Variants in CLSTN2 observed in about 807,000 individuals in gnomAD.
CLSTN2 encodes calsyntenin-2.
In CLSTN2, 48 loss-of-function variants were observed where a neutral mutation model predicts 101.2. The ratio of observed to expected loss-of-function variants is 0.47; its 90% CI spans 0.38 to 0.60. The LOEUF (loss-of-function observed/expected upper bound fraction) is 0.60, where lower values mean the gene tolerates loss of function less well. Among genes scored for constraint, CLSTN2 ranks in the 20% least tolerant of loss-of-function variants. CLSTN2 has a pLI of 0.00. For missense variants in CLSTN2, 1,160 were observed against 1,238.2 expected (o/e 0.94, Z 0.95); for synonymous variants, 481 against 463.6 (o/e 1.04, Z -0.48).
chr3:140,333,144 G>T (rs575190566), intron 2 of CLSTN2, among the ~76,000 whole-genome samples: 2 of 152,234 alleles, frequency 1.3e-5, no homozygotes, highest in African/African-American at 4.8e-5. Context: ...TCCTTTCGGC[G>T]TCACTTCTCT....
chr3:139,942,710 A>G (rs563413133), intron 1 of CLSTN2, among the ~76,000 whole-genome samples: 5 of 152,150 alleles, frequency 3.3e-5, no homozygotes, highest in Non-Finnish European at 5.9e-5. Context: ...AATGCACATT[A>G]CAGGGCATAT....
chr3:140,082,692 G>C (rs2008619189), intron 1 of CLSTN2, among the ~76,000 whole-genome samples: 2 of 152,140 alleles, frequency 1.3e-5, no homozygotes, highest in Admixed American at 1.3e-4. Context: ...TTCTGGAGTT[G>C]TCTTGCCAGA....
chr3:140,247,661 T>C (rs1301839384), intron 2 of CLSTN2, among the ~76,000 whole-genome samples: 1 of 151,934 alleles, frequency 6.6e-6, no homozygotes, highest in Non-Finnish European at 1.5e-5. Context: ...CTGAAGGGGG[T>C]CACATTTGAG....
intron 1 of CLSTN2, among the ~76,000 whole-genome samples, chr3:139,976,053 C>A (rs1560059322): frequency 6.6e-6 from 1 of 152,184 alleles, no homozygotes; most frequent in Non-Finnish European, 1.5e-5. Context: ...ATCAAGCTAC[C>A]ATAACCCCCA....
chr3:140,430,446 A>T (rs577609212), intron 5 of CLSTN2, among the ~76,000 whole-genome samples: 2 of 152,322 alleles, frequency 1.3e-5, no homozygotes, highest in South Asian at 4.1e-4. Context: ...CATTAAAATT[A>T]TATGAAGTTT....
At chr3:140,204,391 T>A (rs554418012) in intron 2 of CLSTN2, among the ~76,000 whole-genome samples, 5 of 152,336 alleles carry the variant, frequency 3.3e-5, no homozygotes, top group Non-Finnish European at 5.9e-5. Flanking sequence ...TGGCTCATCA[T>A]CTGTAAAGTG....
chr3:140,370,186 G>C (rs1332245523), intron 2 of CLSTN2, among the ~76,000 whole-genome samples: 1 of 152,194 alleles, frequency 6.6e-6, no homozygotes, highest in Non-Finnish European at 1.5e-5. Flanking sequence ...CTTCCCTAGA[G>C]TCTGCTTCAA....
intron 2 of CLSTN2, among the ~76,000 whole-genome samples, chr3:140,257,880 A>G (rs1413378673): frequency 1.3e-5 from 2 of 152,188 alleles, no homozygotes; most frequent in Non-Finnish European, 2.9e-5. Flanking sequence ...AAGTCCCAAT[A>G]GACAAATAAC....
At chr3:140,119,351 G>C (rs1394012307) in intron 1 of CLSTN2, among the ~76,000 whole-genome samples, 2 of 152,216 alleles carry the variant, frequency 1.3e-5, no homozygotes, top group African/African-American at 2.4e-5. Context: ...AGAAGCTTTA[G>C]TTCCTCCCTT....
chr3:140,182,676 C>T (rs2010428161), intron 2 of CLSTN2, among the ~76,000 whole-genome samples: 1 of 152,184 alleles, frequency 6.6e-6, no homozygotes, highest in Non-Finnish European at 1.5e-5. Context: ...TTCACCCTCC[C>T]TGCAGAAAAT....
chr3:139,953,420 C>T (rs547596622), intron 1 of CLSTN2, among the ~76,000 whole-genome samples: 10 of 152,248 alleles, frequency 6.6e-5, no homozygotes, highest in African/African-American at 2.4e-4. Flanking sequence ...AGGGTATTTG[C>T]AGGCATAGAG....
chr3:140,328,234 T>A (rs1023142449), intron 2 of CLSTN2, among the ~76,000 whole-genome samples: 4 of 152,146 alleles, frequency 2.6e-5, no homozygotes, highest in Non-Finnish European at 4.4e-5. Flanking sequence ...AATGTGTCTT[T>A]TTCTTTTTAA....
At chr3:140,482,143 G>C (rs1934131337) in intron 8 of CLSTN2, among the ~76,000 whole-genome samples, 1 of 152,162 alleles carries the variant, frequency 6.6e-6, no homozygotes, top group African/African-American at 2.4e-5. Flanking sequence ...AATTTATTGA[G>C]AGTTTTCAGC....
At chr3:140,004,709 G>T (rs762736319) in intron 1 of CLSTN2, among the ~76,000 whole-genome samples, 5 of 152,174 alleles carry the variant, frequency 3.3e-5, no homozygotes, top group African/African-American at 4.8e-5. Flanking sequence ...TTGATTTCTG[G>T]CTCCTTTAAT....
At chr3:140,266,584 C>T (rs2086695548) in intron 2 of CLSTN2, among the ~76,000 whole-genome samples, 3 of 152,136 alleles carry the variant, frequency 2.0e-5, no homozygotes, top group African/African-American at 7.2e-5. Flanking sequence ...TCATCATTAG[C>T]TTTAAATAGG....
chr3:140,347,819 T>C (rs1278707495), intron 2 of CLSTN2, among the ~76,000 whole-genome samples: 1 of 152,212 alleles, frequency 6.6e-6, no homozygotes, highest in Non-Finnish European at 1.5e-5. Flanking sequence ...AGAATTTATA[T>C]GTGGAATCTC....
At chr3:140,281,291 TG>T (rs1438703075) in intron 2 of CLSTN2, among the ~76,000 whole-genome samples, 1 of 152,224 alleles carries the variant, frequency 6.6e-6, no homozygotes, top group African/African-American at 2.4e-5. Flanking sequence ...GTGGTAGGTA[TG>T]GTGGGAGATA....
chr3:140,340,216 C>T (rs1286045724), intron 2 of CLSTN2, among the ~76,000 whole-genome samples: 2 of 152,206 alleles, frequency 1.3e-5, no homozygotes, highest in Non-Finnish European at 2.9e-5. Context: ...TATCTTAGCC[C>T]AGGCTAATTT....
intron 1 of CLSTN2, among the ~76,000 whole-genome samples, chr3:139,974,932 G>T (rs1935789157): frequency 6.6e-6 from 1 of 152,126 alleles, no homozygotes; most frequent in Admixed American, 6.5e-5. Flanking sequence ...GATGGTAGTG[G>T]TGTGGCCAAG....
Sources: allele counts gnomAD v4.1 joint callset (sites outside exome capture counted in the v4.1 genomes callset), GRCh38; gene constraint gnomAD v4.1.1; transcripts MANE v1.5; gene names NCBI Gene and HGNC (gene_info 2026-07-23, HGNC 2026-07-21).